The following NUP210 variants were observed in gnomAD, a reference collection of about 807,000 sequenced individuals.
The protein encoded by NUP210 is nuclear pore membrane glycoprotein 210.
NUP210 carries 151 observed loss-of-function variants against 196.0 expected under a neutral mutation model. The observed-to-expected ratio is 0.77, with a 90% CI of 0.67 to 0.88. The LOEUF is 0.88. Ranked by LOEUF, NUP210 falls within the 40% of genes least tolerant of loss-of-function variation. NUP210 has a pLI of 0.00. For missense variants in NUP210, 2,314 were observed against 2,493.7 expected (o/e 0.93, Z 1.53); for synonymous variants, 1,070 against 1,052.7 (o/e 1.02, Z -0.32).
At chr3:13,374,651 C>T (rs1698841188) in intron 11 of NUP210, among the ~76,000 whole-genome samples, 1 of 152,222 alleles carries the variant, frequency 6.6e-6, no homozygotes. Flanking sequence ...GGGACGAACC[C>T]TTGGTCACCG....
At position 13,321,803 on chromosome 3, in the gene NUP210, G is replaced by C. The variant is rs764957492; in HGVS notation, c.4948C>G (p.Leu1650Val). 3.7e-6 allele frequency: 6 copies of C among 1,609,172 alleles called. No homozygotes were observed. The highest frequency in any genetic ancestry group is 1.7e-6 in the Non-Finnish European group (2 of 1,180,028). The part of the protein sequence containing the change: ...QYFCSITMHR[L>V]TDKQRKHLSM... ...AGGTGCTTCCGCTGCTTGTCCGTCAGCCTGTGCATTGTGATTGAGCAGAAG... is the reference window on the plus strand; with the variant it reads ...AGGTGCTTCCGCTGCTTGTCCGTCACCCTGTGCATTGTGATTGAGCAGAAG... The change falls in exon 36 of 40, where the codon CTG becomes GTG. Residue 1650 changes from leucine (L) to valine (V), a missense_variant. By Grantham distance (32) the Leu-to-Val change is conservative. Coordinates refer to ENST00000254508, the MANE Select transcript of NUP210 (RefSeq NM_024923.4).
In NUP210 at chr3:13,358,283, G is replaced by A. The variant is rs1330568518; in HGVS notation, c.2267C>T (p.Pro756Leu). ...GTCCAGCTGGGGGCTGGTGTAGACA[G>A]GCGCGAGGGTGAGCCTGGACGGTGG... is the stretch of plus-strand genomic sequence containing the variant. ...CAPPSRLTLA[P>L]VYTSPQLDMS... is the part of the protein sequence containing the mutation. The change falls in exon 16 of 40, where the codon CCT (proline) becomes CTT (leucine). Residue 756 changes from proline to leucine, a missense_variant. Coordinates refer to ENST00000254508, the MANE Select transcript of NUP210 (RefSeq NM_024923.4). 1.9e-6 allele frequency: 3 copies of A among 1,613,684 alleles called. No homozygotes were observed. In the African/African-American group the frequency reaches 4.0e-5, roughly 22 times the overall value.
At chr3:13,346,641 G>A (rs1697740865) in intron 20 of NUP210, among the ~76,000 whole-genome samples, 1 of 152,188 alleles carries the variant, frequency 6.6e-6, no homozygotes, top group Admixed American at 6.5e-5. Context: ...CCAAGGCTCT[G>A]CCCACATCAT....
Position 13,339,867 on chromosome 3 carries a change from A to G in NUP210, c.3458T>C (p.Val1153Ala). The change falls in exon 25 of 40, where the codon GTC (valine) becomes GCC (alanine). Residue 1153 changes from valine (V) to alanine (A), a missense_variant. By Grantham distance (64) the Val-to-Ala change is moderately conservative. Coordinates refer to ENST00000254508, the MANE Select transcript of NUP210 (RefSeq NM_024923.4). The stretch of plus-strand genomic sequence containing the variant: ...CACGCCTGTTACCTGAGAGATGATG[A>G]CCACCTTGCCGGTCTCTGCATCCAC... ...QAVDAETGKV[V>A]IISQDLVQVE... The G allele has an allele frequency of 1.9e-6, 3 of 1,613,438 alleles. No individual in the cohort carries two copies. Among genetic ancestry groups the G allele is most frequent in the Non-Finnish European group, 2.5e-6 (3 of 1,179,886 alleles).
chr3:13,351,505 G>C (rs1180130185), intron 20 of NUP210, among the ~76,000 whole-genome samples: 2 of 152,122 alleles, frequency 1.3e-5, no homozygotes, highest in Admixed American at 1.3e-4. Context: ...TTTGGAGACA[G>C]GGTCTGGGTT....
At chr3:13,409,453 C>T (rs1355274888) in intron 1 of NUP210, among the ~76,000 whole-genome samples, 1 of 152,160 alleles carries the variant, frequency 6.6e-6, no homozygotes, top group Non-Finnish European at 1.5e-5. Context: ...ACAGCCTTCA[C>T]CAGAACCTGA....
At position 13,375,165 on chromosome 3, in the gene NUP210, T is replaced by C. The variant is rs1483896660; in HGVS notation, c.1431+339A>G. Among the ~76,000 whole-genome samples the C allele has an allele frequency of 2.0e-5, 3 of 151,550 alleles. No individual in the cohort carries two copies. In the East Asian group the frequency reaches 5.8e-4, roughly 29 times the overall value. On this transcript the variant is annotated intron_variant, in intron 11 of 39. Transcript: ENST00000254508. ...CTCTTTTTTTTTTTTTTTCCTTTTTTTGAGTAGAGATGGAGGTCTCCCTAT... is the reference window on the plus strand; with the variant it reads ...CTCTTTTTTTTTTTTTTTCCTTTTTCTGAGTAGAGATGGAGGTCTCCCTAT...
rs781230189 is a variant in NUP210 at position 13,342,090 on chromosome 3, G to A, written c.2998C>T (p.Arg1000Cys). 6.8e-6 allele frequency: 11 copies of A among 1,614,036 alleles called. No individual in the cohort carries two copies. The Admixed American group carries it at 8.3e-5, about 12-fold the overall frequency. ...EIGKTVKAYV[R>C]VLDLHKKPFL... Reference sequence around the variant, plus strand: ...GGCTTCTTGTGCAAGTCCAGCACGCGGACGTATGCCTTCACTGTCTTCCCA... The same window carrying A: ...GGCTTCTTGTGCAAGTCCAGCACGCAGACGTATGCCTTCACTGTCTTCCCA... The change falls in exon 22 of 40, where the codon CGC becomes TGC. Residue 1000 changes from arginine to cysteine, a missense_variant. Physicochemically the swap from Arg to Cys is radical, Grantham distance 180 (BLOSUM62 -3). Transcript: ENST00000254508.
In NUP210 at chr3:13,366,044, C is replaced by T. The variant is rs569374100; in HGVS notation, c.1834G>A (p.Ala612Thr). Residue 612 changes from alanine (A) to threonine (T), a missense_variant, in exon 14 of 40, where the codon GCC becomes ACC. Transcript: ENST00000254508. The stretch of plus-strand genomic sequence containing the variant: ...AGCGTGGTAGAGCCCTGGGCCTCGG[C>T]CTTTACCCGGATGCCGCTGCAGTGC... Reference protein sequence around the residue: ...SEHCSGIRVKAEAQGSTTLLV... With the variant: ...SEHCSGIRVKTEAQGSTTLLV... 15 of 1,614,226 alleles carry T rather than the reference C, an allele frequency of 9.3e-6. No homozygotes were observed. In the East Asian group the frequency reaches 2.7e-4, roughly 29 times the overall value.
In NUP210 at chr3:13,366,004, CTG is replaced by C; in HGVS notation, c.1872_1873del (p.Tyr624Ter). 1 of 1,614,258 alleles carries C rather than the reference CTG, an allele frequency of 6.2e-7. No homozygotes were observed. The highest frequency in any genetic ancestry group is 8.5e-7 in the Non-Finnish European group (1 of 1,180,052). ...GGCACTCAGGTGGACGTGGCCGTGTCTGTAGCTCACAAGAAGCGTGGTAGAGC... is the reference window on the plus strand; with the variant it reads ...GGCACTCAGGTGGACGTGGCCGTGTCTAGCTCACAAGAAGCGTGGTAGAGC... On this transcript the variant is annotated stop_gained and frameshift_variant, in exon 14 of 40. Coordinates refer to ENST00000254508, the MANE Select transcript of NUP210 (RefSeq NM_024923.4). LOFTEE classifies it high-confidence loss of function.
At chr3:13,384,024 G>A (rs547944977) in intron 6 of NUP210, among the ~76,000 whole-genome samples, 8 of 152,230 alleles carry the variant, frequency 5.3e-5, no homozygotes, top group East Asian at 3.9e-4. Context: ...GTGCAATGGC[G>A]CAATCTCGGC....
chr3:13,318,678 T>A (rs1402090472), intron 39 of NUP210, among the ~76,000 whole-genome samples: 1 of 152,158 alleles, frequency 6.6e-6, no homozygotes, highest in African/African-American at 2.4e-5. Flanking sequence ...TTGAAATAAA[T>A]GACTTTGCCC....
At chr3:13,384,296 C>G (rs760525895) in intron 6 of NUP210, among the ~76,000 whole-genome samples, 4 of 152,224 alleles carry the variant, frequency 2.6e-5, no homozygotes, top group Non-Finnish European at 5.9e-5. Context: ...TTCTGGGTTT[C>G]CTTTGGGGAG....
chr3:13,362,875 C>T (rs1308735474), intron 14 of NUP210, among the ~76,000 whole-genome samples: 7 of 152,170 alleles, frequency 4.6e-5, no homozygotes, highest in African/African-American at 1.7e-4. Flanking sequence ...CCTCCTCAGG[C>T]AGGCCTCTGC....
intron 15 of NUP210, among the ~76,000 whole-genome samples, chr3:13,359,081 C>T (rs1270308658): frequency 6.6e-6 from 1 of 152,184 alleles, no homozygotes; most frequent in African/African-American, 2.4e-5. Flanking sequence ...ATAACATGCA[C>T]TTGATGGAGG....
rs766660697 is a variant in NUP210 at position 13,321,588 on chromosome 3, C to T, written c.5163G>A (p.Leu1721=). The change falls in exon 36 of 40, where the codon TTG becomes TTA. Residue 1721 remains leucine (L), a synonymous_variant. Coordinates refer to ENST00000254508, the MANE Select transcript of NUP210 (RefSeq NM_024923.4). ...VFGAPEVLEN[L]EVKSGSPAVL... is the part of the protein sequence containing the mutation. Reference sequence around the variant, plus strand: ...GAGGCATGCAGATGCCACTCACCTCCAAGTTCTCCAGAACCTCCGGGGCAC... The same window carrying T: ...GAGGCATGCAGATGCCACTCACCTCTAAGTTCTCCAGAACCTCCGGGGCAC... 1.9e-6 allele frequency: 3 copies of T among 1,613,180 alleles called. No individual in the cohort carries two copies. Among genetic ancestry groups the T allele is most frequent in the East Asian group, 2.2e-5 (1 of 44,848 alleles).
chr3:13,336,782 C>T lies in NUP210; in HGVS notation c.3684+5G>A, dbSNP rs777407920. 4 of 1,612,504 alleles carry T rather than the reference C, an allele frequency of 2.5e-6. No individual in the cohort carries two copies. In the East Asian group the frequency reaches 8.9e-5, roughly 36 times the overall value. Reference sequence around the variant, plus strand: ...AGGTGAGCTCTGGAGGGGGTGGTTACCTACCTCGTGGTGCCGCCCTCGGAG... The same window carrying T: ...AGGTGAGCTCTGGAGGGGGTGGTTATCTACCTCGTGGTGCCGCCCTCGGAG... On this transcript the variant is annotated splice_donor_5th_base_variant and intron_variant, in intron 27 of 39. Coordinates refer to ENST00000254508, the MANE Select transcript of NUP210 (RefSeq NM_024923.4).
At chr3:13,377,195 G>A (rs1698942280) in intron 9 of NUP210, among the ~76,000 whole-genome samples, 2 of 152,144 alleles carry the variant, frequency 1.3e-5, no homozygotes, top group Non-Finnish European at 2.9e-5. Flanking sequence ...CTATCCTGGA[G>A]CCCTGCCGCT....
At position 13,348,863 on chromosome 3, in the gene NUP210, C is replaced by G. The variant is rs1327915501; in HGVS notation, c.2835+3016G>C. ...ACATCAAACGCTGAAGGAAGGTTTTCGAAAACACCCCAAACACCAAACAAA... is the reference window on the plus strand; with the variant it reads ...ACATCAAACGCTGAAGGAAGGTTTTGGAAAACACCCCAAACACCAAACAAA... On this transcript the variant is annotated intron_variant, in intron 20 of 39. Coordinates refer to ENST00000254508, the MANE Select transcript of NUP210 (RefSeq NM_024923.4). This position sits in a 1 kb window ranked among gnomAD's most constrained non-coding sequence, Gnocchi z 4.0. The G allele has an allele frequency of 2.0e-6, 2 of 985,356 alleles. No homozygotes were observed. Among genetic ancestry groups the G allele is most frequent in the Non-Finnish European group, 2.4e-6 (2 of 829,918 alleles). 61.0% of individuals were successfully genotyped at this position (985,356 alleles called of 1,614,324 possible).
Sources: allele counts gnomAD v4.1 joint callset (sites outside exome capture counted in the v4.1 genomes callset), GRCh38; gene constraint gnomAD v4.1.1; non-coding constraint Gnocchi (gnomAD v3.1); transcripts MANE v1.5; gene names NCBI Gene and HGNC (gene_info 2026-07-23, HGNC 2026-07-21).